Variants in FRMD4A observed in about 807,000 individuals in gnomAD.
FRMD4A encodes the protein FERM domain containing 4A.
A neutral mutation model predicts 129.1 loss-of-function variants in FRMD4A; 29 were observed. The observed-to-expected ratio is 0.22, with a 90% confidence interval of 0.17 to 0.31. The LOEUF (loss-of-function observed/expected upper bound fraction) is 0.31, where lower values mean the gene tolerates loss of function less well. Among genes scored for constraint, FRMD4A ranks in the 10% least tolerant of loss-of-function variants. The pLI is 1.00. For synonymous variants in FRMD4A, 634 were observed against 571.6 expected (o/e 1.11, Z -1.56); for missense variants, 1,272 against 1,375.8 (o/e 0.92, Z 1.19).
intron 2 of FRMD4A, among the ~76,000 whole-genome samples, chr10:14,054,674 A>T (rs954843853): frequency 6.6e-6 from 1 of 152,042 alleles, no homozygotes; most frequent in African/African-American, 2.4e-5. Context: ...TGTCCCCTCC[A>T]ATGCCAAGTG....
intron 15 of FRMD4A, chr10:13,692,866 TTTTC>T (rs2085844496): frequency 1.3e-5 from 2 of 151,914 alleles, no homozygotes; most frequent in Non-Finnish European, 2.9e-5. Context: ...CATATTCCAC[TTTTC>T]TTTTTTTGTT....
intron 3 of FRMD4A, among the ~76,000 whole-genome samples, chr10:13,817,301 A>G (rs1362581600): frequency 2.0e-5 from 3 of 152,220 alleles, no homozygotes; most frequent in Non-Finnish European, 2.9e-5. Flanking sequence ...TGAGTTCTTG[A>G]GAACACTGGA....
chr10:14,053,652 T>C (rs1291542390), intron 2 of FRMD4A, among the ~76,000 whole-genome samples: 2 of 152,206 alleles, frequency 1.3e-5, no homozygotes, highest in Admixed American at 1.3e-4. Context: ...GCCTAGTAGC[T>C]GCCCATCTTT....
chr10:13,783,834 C>G (rs4750414), intron 5 of FRMD4A, among the ~76,000 whole-genome samples: 1 of 152,016 alleles, frequency 6.6e-6, no homozygotes, highest in Non-Finnish European at 1.5e-5. Flanking sequence ...AAATGAGAAT[C>G]GGATTTCATC....
At chr10:14,014,774 C>T (rs980438074) in intron 2 of FRMD4A, among the ~76,000 whole-genome samples, 10 of 152,198 alleles carry the variant, frequency 6.6e-5, no homozygotes, top group Non-Finnish European at 1.0e-4. Context: ...GTTTTACCTA[C>T]GGTTTGCTCT....
intron 2 of FRMD4A, among the ~76,000 whole-genome samples, chr10:14,325,575 C>T (rs1843240491): frequency 6.6e-6 from 1 of 152,230 alleles, no homozygotes; most frequent in Non-Finnish European, 1.5e-5. Flanking sequence ...ATGAGTTAGG[C>T]ACTGTTTTGT....
intron 22 of FRMD4A, 42 bp downstream of exon 22, chr10:13,656,594 G>A (rs2082168684): frequency 1.5e-6 from 2 of 1,354,114 alleles, no homozygotes; most frequent in Admixed American, 3.0e-5. Flanking sequence ...CAAGCAGTTC[G>A]CCCTCAGGTC....
intron 2 of FRMD4A, among the ~76,000 whole-genome samples, chr10:13,967,944 G>A (rs1044558481): frequency 1.3e-5 from 2 of 152,202 alleles, no homozygotes; most frequent in African/African-American, 4.8e-5. Flanking sequence ...TACTTGGGAG[G>A]CTGAGGTGGA....
chr10:14,066,967 ACT>A (rs1317068930), intron 2 of FRMD4A, among the ~76,000 whole-genome samples: 2 of 152,026 alleles, frequency 1.3e-5, no homozygotes, highest in Admixed American at 6.6e-5. Context: ...CAAGAAACAA[ACT>A]CTTTCATGAG....
At chr10:14,303,094 C>T (rs1199717885) in intron 2 of FRMD4A, among the ~76,000 whole-genome samples, 3 of 152,204 alleles carry the variant, frequency 2.0e-5, no homozygotes, top group Non-Finnish European at 4.4e-5. Context: ...CATGGTAGAA[C>T]TCCCTAGAGA....
At chr10:13,760,714 TGGAGC>T (rs2092036080) in intron 8 of FRMD4A, among the ~76,000 whole-genome samples, 1 of 152,168 alleles carries the variant, frequency 6.6e-6, no homozygotes, top group Non-Finnish European at 1.5e-5. Context: ...GGTTCTTAGA[TGGAGC>T]AGAGGTACGA....
intron 21 of FRMD4A, 86 bp from the exon 22 acceptor site, chr10:13,657,608 G>T: frequency 7.0e-7 from 1 of 1,437,466 alleles, no homozygotes; most frequent in South Asian, 1.5e-5. Context: ...CCTGAGGAGG[G>T]CACTGGGTGT....
chr10:13,663,189 C>CAA (rs35995959), intron 19 of FRMD4A, among the ~76,000 whole-genome samples: 1 of 131,102 alleles, frequency 7.6e-6, no homozygotes, highest in African/African-American at 2.7e-5. Context: ...GACCCTGTCT[C>CAA]AAAAAAAAAA....
intron 10 of FRMD4A, 71 bp from the exon 11 acceptor site, chr10:13,740,322 G>C: frequency 9.5e-7 from 1 of 1,052,228 alleles, no homozygotes; most frequent in East Asian, 2.4e-5. Context: ...AGCAGATCTG[G>C]TATCATATAT....
intron 2 of FRMD4A, among the ~76,000 whole-genome samples, chr10:13,883,315 C>T (rs1374044132): frequency 6.6e-6 from 1 of 151,944 alleles, no homozygotes; most frequent in Non-Finnish European, 1.5e-5. Flanking sequence ...CATGCTGAAA[C>T]CCCGTCTCTA....
At chr10:14,132,006 A>G (rs1406069535) in intron 2 of FRMD4A, among the ~76,000 whole-genome samples, 1 of 152,188 alleles carries the variant, frequency 6.6e-6, no homozygotes, top group African/African-American at 2.4e-5. Context: ...ATAAAATTCA[A>G]ACATAAGGCC....
At chr10:14,154,735 A>G (rs1036315925) in intron 2 of FRMD4A, among the ~76,000 whole-genome samples, 2 of 152,162 alleles carry the variant, frequency 1.3e-5, no homozygotes, top group Non-Finnish European at 2.9e-5. Context: ...TGAGATTGGC[A>G]TGTCTATATT....
At chr10:14,063,635 G>C (rs1049553133) in intron 2 of FRMD4A, among the ~76,000 whole-genome samples, 2 of 151,712 alleles carry the variant, frequency 1.3e-5, no homozygotes, top group Admixed American at 6.6e-5. Flanking sequence ...AACCCACTAG[G>C]GTTCAACTGG....
At chr10:13,800,795 C>A (rs566179213) in intron 4 of FRMD4A, among the ~76,000 whole-genome samples, 1 of 152,362 alleles carries the variant, frequency 6.6e-6, no homozygotes, top group African/African-American at 2.4e-5. Context: ...CCACAGAGGA[C>A]AAACAGACAG....
Sources: allele counts gnomAD v4.1 joint callset (sites outside exome capture counted in the v4.1 genomes callset), GRCh38; gene constraint gnomAD v4.1.1; transcripts MANE v1.5; gene names NCBI Gene and HGNC (gene_info 2026-07-23, HGNC 2026-07-21).